The following STAG1 variants were observed in gnomAD, a reference collection of about 807,000 sequenced individuals.
STAG1 encodes cohesin subunit SA-1.
STAG1 carries 26 observed loss-of-function variants against 170.9 expected under a neutral mutation model. The ratio of observed to expected loss-of-function variants is 0.15; its 90% CI spans 0.11 to 0.21. STAG1 has a LOEUF of 0.21. Among genes scored for constraint, STAG1 ranks in the 10% least tolerant of loss-of-function variants. The probability of loss-of-function intolerance (pLI) is 1.00; values close to 1 mark genes in which losing one functional copy is unlikely to be tolerated. For synonymous variants in STAG1, 514 were observed against 497.7 expected (o/e 1.03, Z -0.44); for missense variants, 964 against 1,509.5 (o/e 0.64, Z 5.99).
chr3:136,575,170 T>G (rs887026920), intron 4 of STAG1, among the ~76,000 whole-genome samples: 1 of 152,130 alleles, frequency 6.6e-6, no homozygotes, highest in African/African-American at 2.4e-5. Context: ...TAAGTTACAG[T>G]TTATATAAAG....
intron 22 of STAG1, among the ~76,000 whole-genome samples, chr3:136,394,639 T>TA (rs1478361120): frequency 1.3e-5 from 2 of 151,598 alleles, no homozygotes; most frequent in African/African-American, 4.9e-5. Context: ...TAGCCAGGCG[T>TA]GGCTGGGTGT....
intron 1 of STAG1, among the ~76,000 whole-genome samples, chr3:136,732,688 C>A (rs1013395561): frequency 9.2e-5 from 14 of 152,126 alleles, no homozygotes; most frequent in Non-Finnish European, 1.9e-4. Context: ...CAGCTCACTG[C>A]AACCTCTACC....
chr3:136,547,376 GTCATGTCT>G (rs1251178431), intron 5 of STAG1, among the ~76,000 whole-genome samples: 1 of 152,104 alleles, frequency 6.6e-6, no homozygotes, highest in Non-Finnish European at 1.5e-5. Flanking sequence ...GGTGGTAGCT[GTCATGTCT>G]TCTTAGACTC....
At chr3:136,617,716 C>G (rs929204508) in intron 3 of STAG1, among the ~76,000 whole-genome samples, 2 of 152,140 alleles carry the variant, frequency 1.3e-5, no homozygotes, top group African/African-American at 4.8e-5. Context: ...AAAAATCTAG[C>G]AGACATCTGC....
At position 136,571,955 on chromosome 3, in the gene STAG1, G is replaced by C. The variant is rs188404835; in HGVS notation, c.298-3094C>G. On this transcript the variant is annotated intron_variant, in intron 4 of 33. Coordinates refer to ENST00000383202, the MANE Select transcript of STAG1 (RefSeq NM_005862.3). ...CCCAACACTTTGGGAGGCCGAGATGGGTGGCTCACTTGAGGTCAGGAGTTC... is the reference window on the plus strand; with the variant it reads ...CCCAACACTTTGGGAGGCCGAGATGCGTGGCTCACTTGAGGTCAGGAGTTC... Among the ~76,000 whole-genome samples the C allele has an allele frequency of 2.6e-5, 4 of 152,208 alleles. No homozygotes were observed. In the East Asian group the frequency reaches 7.7e-4, roughly 29 times the overall value.
chr3:136,700,303 A>C (rs1200496655), intron 1 of STAG1, among the ~76,000 whole-genome samples: 1 of 151,176 alleles, frequency 6.6e-6, no homozygotes, highest in East Asian at 1.9e-4. Flanking sequence ...AAGATAAAGG[A>C]TCACTAAACT....
chr3:136,598,612 G>C (rs1015490686), intron 4 of STAG1, among the ~76,000 whole-genome samples: 2 of 151,832 alleles, frequency 1.3e-5, no homozygotes, highest in East Asian at 3.9e-4. Context: ...ATTTTTAGTA[G>C]AGACGGGGTT....
intron 1 of STAG1, among the ~76,000 whole-genome samples, chr3:136,645,068 A>G (rs1007104402): frequency 4.6e-5 from 7 of 152,170 alleles, no homozygotes; most frequent in Non-Finnish European, 8.8e-5. Flanking sequence ...TCTCCAGAGA[A>G]ACAGCAACAC....
At chr3:136,738,742 T>G (rs1475657736) in intron 1 of STAG1, among the ~76,000 whole-genome samples, 1 of 152,204 alleles carries the variant, frequency 6.6e-6, no homozygotes, top group South Asian at 2.1e-4. Context: ...TAGCTATAGT[T>G]AATAGCAATG....
At chr3:136,612,926 T>C (rs1189511731) in intron 3 of STAG1, among the ~76,000 whole-genome samples, 1 of 152,174 alleles carries the variant, frequency 6.6e-6, no homozygotes, top group African/African-American at 2.4e-5. Context: ...GAACTTTGAG[T>C]AAGACTATGT....
Position 136,355,945 on chromosome 3 carries a change from T to C in STAG1, c.3065+1775A>G, listed in dbSNP as rs375064377. Among the ~76,000 whole-genome samples, 7 of 152,270 alleles carry C rather than the reference T, an allele frequency of 4.6e-5. No homozygotes were observed. In the East Asian group the frequency reaches 9.6e-4, roughly 21 times the overall value. Reference sequence around the variant, plus strand: ...AAGGTAATGTTTAGAGGAAAATGTATAGCTGTAAATGCCTGTATTGAAAAA... The same window carrying C: ...AAGGTAATGTTTAGAGGAAAATGTACAGCTGTAAATGCCTGTATTGAAAAA... On this transcript the variant is annotated intron_variant, in intron 28 of 33. Coordinates refer to ENST00000383202, the MANE Select transcript of STAG1 (RefSeq NM_005862.3).
chr3:136,430,657 A>C (rs1184569685), intron 16 of STAG1, among the ~76,000 whole-genome samples: 1 of 150,364 alleles, frequency 6.7e-6, no homozygotes, highest in Admixed American at 6.6e-5. Context: ...AAAATATCTC[A>C]TAGTGTTTTA....
At position 136,340,464 on chromosome 3, in the gene STAG1, A is replaced by G. The variant is rs758355311; in HGVS notation, c.3672+27T>C. On this transcript the variant is annotated intron_variant, in intron 32 of 33. Coordinates refer to ENST00000383202, the MANE Select transcript of STAG1 (RefSeq NM_005862.3). ...ACCAATGCCCCCACATATTTTAACA[A>G]AAGAAAAATATAGTGAATTTCTCTA... 2.0e-6 allele frequency: 3 copies of G among 1,483,430 alleles called. No homozygotes were observed. The South Asian group carries it at 3.4e-5, about 17-fold the overall frequency. 91.9% of individuals were successfully genotyped at this position (1,483,430 alleles called of 1,614,324 possible). A position where few individuals can be genotyped will look rare whatever the true frequency, so the allele number is the denominator to read the frequency against.
intron 5 of STAG1, among the ~76,000 whole-genome samples, chr3:136,549,107 G>A (rs1219523948): frequency 1.3e-5 from 2 of 152,104 alleles, no homozygotes; most frequent in East Asian, 1.9e-4. Flanking sequence ...CAGTGGAAAC[G>A]GACTAATAAC....
intron 1 of STAG1, among the ~76,000 whole-genome samples, chr3:136,742,047 T>A (rs941241789): frequency 6.6e-6 from 1 of 151,876 alleles, no homozygotes; most frequent in African/African-American, 2.4e-5. Flanking sequence ...TCAAAATGAG[T>A]GAGAAAAACT....
At chr3:136,477,835 T>C (rs1190147526) in intron 9 of STAG1, among the ~76,000 whole-genome samples, 1 of 152,142 alleles carries the variant, frequency 6.6e-6, no homozygotes, top group African/African-American at 2.4e-5. Flanking sequence ...CTGTCGCTCA[T>C]GCTGGAGTGC....
chr3:136,729,974 C>T (rs1421461027), intron 1 of STAG1, among the ~76,000 whole-genome samples: 4 of 149,454 alleles, frequency 2.7e-5, no homozygotes, highest in Non-Finnish European at 4.4e-5. Context: ...CTGCAACCTC[C>T]GCCTCCCAGG....
chr3:136,693,115 G>C (rs1167914283), intron 1 of STAG1, among the ~76,000 whole-genome samples: 1 of 152,096 alleles, frequency 6.6e-6, no homozygotes, highest in East Asian at 1.9e-4. Flanking sequence ...TTTATTTTTT[G>C]TTTTAAGTCT....
rs752736466 is a variant in STAG1, at chr3:136,337,352, G to A, written c.*902C>T. ...GTCTGTGTAACTTGAATTTGGCAGG[G>A]CATGAAATAAGTGGTAAAAACAGCA... On this transcript the variant is annotated 3_prime_UTR_variant, in exon 34 of 34. Coordinates refer to ENST00000383202, the MANE Select transcript of STAG1 (RefSeq NM_005862.3). 1 of 152,360 alleles carries A rather than the reference G, an allele frequency of 6.6e-6. No individual in the cohort carries two copies. The highest frequency in any genetic ancestry group is 1.5e-5 in the Non-Finnish European group (1 of 68,014). 9.4% of individuals were successfully genotyped at this position (152,360 alleles called of 1,614,324 possible).
Sources: allele counts gnomAD v4.1 joint callset (sites outside exome capture counted in the v4.1 genomes callset), GRCh38; gene constraint gnomAD v4.1.1; transcripts MANE v1.5; gene names NCBI Gene and HGNC (gene_info 2026-07-23, HGNC 2026-07-21).